MAP3K21: variants seen among roughly 807,000 people sequenced by gnomAD.
MAP3K21 encodes mitogen-activated protein kinase kinase kinase MLK4.
MAP3K21 carries 63 observed loss-of-function variants against 86.1 expected under a neutral mutation model. The ratio of observed to expected loss-of-function variants is 0.73; its 90% CI spans 0.60 to 0.90. The LOEUF is 0.90. Among genes scored for constraint, MAP3K21 ranks in the 40% least tolerant of loss-of-function variants. The pLI, the probability that MAP3K21 is intolerant of heterozygous loss-of-function variation, is 0.00. For missense variants in MAP3K21, 1,220 were observed against 1,367.7 expected, an observed-to-expected ratio of 0.89 and a Z score of 1.70; for synonymous variants, 558 against 564.8, an observed-to-expected ratio of 0.99 and a Z score of 0.17.
intron 4 of MAP3K21, among the ~76,000 whole-genome samples, chr1:233,358,794 C>CAA (rs199976869): frequency 1.4e-5 from 2 of 145,534 alleles, no homozygotes; most frequent in African/African-American, 5.0e-5. Flanking sequence ...GACCCTGTCT[C>CAA]AAAAAAAAAA....
intron 1 of MAP3K21, among the ~76,000 whole-genome samples, chr1:233,343,277 C>A (rs1379118110): frequency 4.6e-5 from 7 of 152,088 alleles, no homozygotes; most frequent in Non-Finnish European, 1.0e-4. Context: ...CTTTCAAACC[C>A]ATTAATAAAA....
At position 233,372,148 on chromosome 1, in the gene MAP3K21, C is replaced by T. The variant is rs1182227655; in HGVS notation, c.1663C>T (p.Arg555Ter). 2 of 1,614,096 alleles carry T rather than the reference C, an allele frequency of 1.2e-6. No individual in the cohort carries two copies. The highest frequency in any genetic ancestry group is 8.5e-7 in the Non-Finnish European group (1 of 1,180,012). Reference sequence around the variant, plus strand: ...CAGCCCCACAATGATGCCCCGACTCCGAGCCATACAGTGTGAGCTTTCTGC... The same window carrying T: ...CAGCCCCACAATGATGCCCCGACTCTGAGCCATACAGTGTGAGCTTTCTGC... ...PSSPTMMPRL[R>*]AIQLTSDESN... is the part of the protein sequence containing the mutation. Residue 555 changes from arginine (R) to a stop codon, truncating the protein, a stop_gained, in exon 6 of 10, where the codon CGA becomes TGA. Transcript: ENST00000366624. LOFTEE classifies it high-confidence loss of function.
chr1:233,371,832 T>G (rs1308054181), intron 5 of MAP3K21, among the ~76,000 whole-genome samples: 1 of 151,970 alleles, frequency 6.6e-6, no homozygotes, highest in Non-Finnish European at 1.5e-5. Context: ...ATTATTTGTG[T>G]GACTATATCC....
At chr1:233,375,651 A>G (rs1663778805) in intron 6 of MAP3K21, 1 of 467,222 alleles carries the variant, frequency 2.1e-6, no homozygotes, top group African/African-American at 2.0e-5. Context: ...TGCTAAATAA[A>G]TAGATTAAAA....
intron 4 of MAP3K21, among the ~76,000 whole-genome samples, chr1:233,361,455 C>G (rs972960955): frequency 6.6e-6 from 1 of 152,096 alleles, no homozygotes; most frequent in African/African-American, 2.4e-5. Context: ...TTTTCATTTC[C>G]AGCAGGTCTT....
chr1:233,347,523 T>G (rs529566155), intron 2 of MAP3K21, among the ~76,000 whole-genome samples: 22 of 152,286 alleles, frequency 1.4e-4, no homozygotes, highest in African/African-American at 5.1e-4. Context: ...GAAAATGTGG[T>G]GCACGTACAC....
rs1473743343 is a variant in MAP3K21 at position 233,355,098 on chromosome 1, C to G, written c.1311+87C>G. ...GGCAAGAAGCACTGTTAGCATTATT[C>G]AAAAATATCTTTAGATATCAATATT... is the stretch of plus-strand genomic sequence containing the variant. On this transcript the variant is annotated intron_variant, in intron 4 of 9. Coordinates refer to ENST00000366624, the MANE Select transcript of MAP3K21 (RefSeq NM_032435.3). The G allele has an allele frequency of 1.1e-5, 10 of 948,240 alleles. No homozygotes were observed. The East Asian group carries it at 2.6e-4, about 24-fold the overall frequency. The allele number at this position is 948,240 out of a possible 1,614,324, so 58.7% of individuals were successfully genotyped here.
At chr1:233,329,514 C>A (rs529547424) in intron 1 of MAP3K21, among the ~76,000 whole-genome samples, 1 of 152,182 alleles carries the variant, frequency 6.6e-6, no homozygotes, top group East Asian at 1.9e-4. Context: ...ATTAGCCCGG[C>A]GTAGTGGCAG....
chr1:233,347,088 G>A (rs1663156822), intron 2 of MAP3K21, among the ~76,000 whole-genome samples: 1 of 151,736 alleles, frequency 6.6e-6, no homozygotes, highest in Non-Finnish European at 1.5e-5. Flanking sequence ...GAGGGAGAGT[G>A]TCCACTATGT....
intron 1 of MAP3K21, among the ~76,000 whole-genome samples, chr1:233,335,911 G>T (rs1333200590): frequency 6.6e-6 from 1 of 152,170 alleles, no homozygotes. Context: ...TTTAATGCCA[G>T]ACTTTGGGAG....
chr1:233,357,434 T>TA (rs1023434204), intron 4 of MAP3K21, among the ~76,000 whole-genome samples: 1 of 150,302 alleles, frequency 6.7e-6, no homozygotes, highest in African/African-American at 2.5e-5. Flanking sequence ...AAAATAAAAA[T>TA]AAAAAAATAA....
In MAP3K21 at chr1:233,343,941, G is replaced by A. The variant is rs553463580; in HGVS notation, c.806-2501G>A. 4.6e-5 allele frequency among the ~76,000 whole-genome samples: 7 copies of A among 152,280 alleles called. No individual in the cohort carries two copies. In the East Asian group the frequency reaches 1.2e-3, roughly 25 times the overall value. ...ATACCCTCTCCTCTTTCTATAGAAG[G>A]GATTAGCTAGAGGAGAGGGTGGCAG... On this transcript the variant is annotated intron_variant, in intron 1 of 9. Transcript: ENST00000366624.
chr1:233,346,086 C>T (rs1663134200), intron 1 of MAP3K21, among the ~76,000 whole-genome samples: 1 of 152,126 alleles, frequency 6.6e-6, no homozygotes, highest in South Asian at 2.1e-4. Flanking sequence ...AGAAAACATT[C>T]TGTACTTAGG....
Position 233,328,337 on chromosome 1 carries a change from C to T in MAP3K21, c.309C>T (p.Ala103=). 4 of 1,469,892 alleles carry T rather than the reference C, an allele frequency of 2.7e-6. No homozygotes were observed. Among genetic ancestry groups the T allele is most frequent in the Non-Finnish European group, 3.6e-6 (4 of 1,119,184 alleles). The allele number at this position is 1,469,892 out of a possible 1,614,324, so 91.1% of individuals were successfully genotyped here. A position where few individuals can be genotyped will look rare whatever the true frequency, so the allele number is the denominator to read the frequency against. The stretch of plus-strand genomic sequence containing the variant: ...ACTACGTGGCTCCCTGCCGCCCGGC[C>T]GCCAGCCCCGCGCCGCCGCCCTCGC... ...PANYVAPCRP[A]ASPAPPPSRP... is the part of the protein sequence containing the mutation. The change falls in exon 1 of 10, where the codon GCC becomes GCT. Residue 103 remains alanine, a synonymous_variant. Coordinates refer to ENST00000366624, the MANE Select transcript of MAP3K21 (RefSeq NM_032435.3). This position sits in a 1 kb window ranked among gnomAD's most constrained non-coding sequence, Gnocchi z 8.7.
chr1:233,379,197 G>T lies in MAP3K21; in HGVS notation c.2191G>T (p.Ala731Ser), dbSNP rs1379545496. The T allele has an allele frequency of 6.2e-7, 1 of 1,614,194 alleles. No homozygotes were observed. ...SALYGCTVLL[A>S]SVALGLDLRE... ...TCTGTATGGGTGCACCGTCCTTCTG[G>T]CATCGGTGGCTCTGGGACTGGACCT... Residue 731 changes from alanine (A) to serine (S), a missense_variant, in exon 9 of 10, where the codon GCA becomes TCA. By Grantham distance (99) the Ala-to-Ser change is moderately conservative. Transcript: ENST00000366624.
At position 233,328,367 on chromosome 1, in the gene MAP3K21, C is replaced by T; in HGVS notation, c.339C>T (p.Pro113=). 1 of 1,477,324 alleles carries T rather than the reference C, an allele frequency of 6.8e-7. No homozygotes were observed. The highest frequency in any genetic ancestry group is 8.9e-7 in the Non-Finnish European group (1 of 1,122,264). The allele number at this position is 1,477,324 out of a possible 1,614,324, so 91.5% of individuals were successfully genotyped here. A position where few individuals can be genotyped will look rare whatever the true frequency, so the allele number is the denominator to read the frequency against. Residue 113 remains proline, a synonymous_variant, in exon 1 of 10, where the codon CCC becomes CCT. Coordinates refer to ENST00000366624, the MANE Select transcript of MAP3K21 (RefSeq NM_032435.3). This position sits in a 1 kb window ranked among gnomAD's most constrained non-coding sequence, Gnocchi z 8.7. ...AASPAPPPSR[P]SSPVHVAFER... ...GCCCCGCGCCGCCGCCCTCGCGGCCCAGCTCCCCGGTACACGTCGCCTTCG... is the reference window on the plus strand; with the variant it reads ...GCCCCGCGCCGCCGCCCTCGCGGCCTAGCTCCCCGGTACACGTCGCCTTCG...
At chr1:233,339,280 T>C (rs370689560) in intron 1 of MAP3K21, among the ~76,000 whole-genome samples, 663 of 50,052 alleles carry the variant, frequency 0.013, 20 homozygotes, top group South Asian at 0.016. Flanking sequence ...CTTCTTCTTC[T>C]TCTTCTTCTT....
chr1:233,330,685 TCA>T (rs912090875), intron 1 of MAP3K21, among the ~76,000 whole-genome samples: 3 of 152,218 alleles, frequency 2.0e-5, no homozygotes, highest in Non-Finnish European at 4.4e-5. Context: ...ATCCAAATCA[TCA>T]ACACAAGCAA....
chr1:233,382,416 T>C lies in MAP3K21; in HGVS notation c.2816T>C (p.Val939Ala). 4.3e-6 allele frequency: 7 copies of C among 1,614,134 alleles called. No individual in the cohort carries two copies. The highest frequency in any genetic ancestry group is 5.9e-6 in the Non-Finnish European group (7 of 1,180,032). The change falls in exon 10 of 10, where the codon GTC (valine) becomes GCC (alanine). Residue 939 changes from valine (V) to alanine (A), a missense_variant. Val to Ala is a moderately conservative substitution (Grantham distance 64, BLOSUM62 0). This residue lies in a region of MAP3K21 where 632 missense variants were observed against 691.3 expected (regional missense o/e 0.91). Transcript: ENST00000366624. Reference protein sequence around the residue: ...REVSPKKHSTVHIVPQRRPAS... With the variant: ...REVSPKKHSTAHIVPQRRPAS... ...GTCTCACCCAAGAAGCACAGCACTG[T>C]CCACATCGTGCCTCAGCGTCGCCCT...
Sources: allele counts gnomAD v4.1 joint callset (sites outside exome capture counted in the v4.1 genomes callset), GRCh38; gene constraint gnomAD v4.1.1; regional missense constraint gnomAD v4.1.1; non-coding constraint Gnocchi (gnomAD v3.1); transcripts MANE v1.5; gene names NCBI Gene and HGNC (gene_info 2026-07-23, HGNC 2026-07-21).